HS3ST4: variants seen among roughly 807,000 people sequenced by gnomAD.
HS3ST4 encodes the protein heparan sulfate glucosamine 3-O-sulfotransferase 4.
In HS3ST4, 17 loss-of-function variants were observed where a neutral mutation model predicts 29.2. That is an observed-to-expected ratio of 0.58 (90% CI 0.40 to 0.87). The LOEUF is 0.87. Ranked by LOEUF, HS3ST4 falls within the 40% of genes least tolerant of loss-of-function variation. The pLI is 0.00. For synonymous variants in HS3ST4, 314 were observed against 285.7 expected, an observed-to-expected ratio of 1.10 and a Z score of -1.00; for missense variants, 627 against 634.5, an observed-to-expected ratio of 0.99 and a Z score of 0.13.
chr16:25,912,919 T>A (rs1968255008), intron 1 of HS3ST4, among the ~76,000 whole-genome samples: 1 of 152,154 alleles, frequency 6.6e-6, no homozygotes. Flanking sequence ...GAAAGATGAA[T>A]AAAATGACAT....
At chr16:25,936,256 C>T (rs377040860) in intron 1 of HS3ST4, among the ~76,000 whole-genome samples, 2 of 152,108 alleles carry the variant, frequency 1.3e-5, no homozygotes, top group African/African-American at 2.4e-5. Flanking sequence ...GTTCTGTGTT[C>T]GATTCTGTCC....
At chr16:25,916,520 G>A (rs183564158) in intron 1 of HS3ST4, among the ~76,000 whole-genome samples, 140 of 151,656 alleles carry the variant, frequency 9.2e-4, no homozygotes, top group Middle Eastern at 3.4e-3. Context: ...GTGCCAACAC[G>A]CCCGGCTACT....
intron 1 of HS3ST4, among the ~76,000 whole-genome samples, chr16:25,845,647 GTAATAATAATAA>G (rs60639924): frequency 0.018 from 2,631 of 143,328 alleles, 88 homozygotes; most frequent in African/African-American, 0.063. Flanking sequence ...GGAATAGCAT[GTAATAATAATAA>G]TAATAATAAT....
intron 1 of HS3ST4, among the ~76,000 whole-genome samples, chr16:26,087,013 C>A (rs575053226): frequency 6.6e-6 from 1 of 152,206 alleles, no homozygotes; most frequent in African/African-American, 2.4e-5. Context: ...CAGACCACCT[C>A]GTTGTTCAGG....
rs758900686 is a variant in HS3ST4, at chr16:25,693,077, C to T, written c.660C>T (p.His220=). 1 of 1,608,422 alleles carries T rather than the reference C, an allele frequency of 6.2e-7. No homozygotes were observed. Among genetic ancestry groups the T allele is most frequent in the Non-Finnish European group, 8.5e-7 (1 of 1,177,808 alleles). ...TRALLEAIRV[H]PDVRAVGVEP... ...CGCTGCTGGAGGCGATCCGCGTGCACCCGGACGTGCGGGCGGTGGGCGTAG... is the reference window on the plus strand; with the variant it reads ...CGCTGCTGGAGGCGATCCGCGTGCATCCGGACGTGCGGGCGGTGGGCGTAG... The change falls in exon 1 of 2, where the codon CAC becomes CAT. Residue 220 remains histidine, a synonymous_variant. Coordinates refer to ENST00000331351, the MANE Select transcript of HS3ST4 (RefSeq NM_006040.3).
At chr16:25,758,914 C>CCACT (rs1228743624) in intron 1 of HS3ST4, among the ~76,000 whole-genome samples, 2 of 151,792 alleles carry the variant, frequency 1.3e-5, no homozygotes, top group African/African-American at 4.8e-5. Context: ...TGAGATCACA[C>CCACT]CACTGCCTTG....
intron 1 of HS3ST4, among the ~76,000 whole-genome samples, chr16:25,820,819 C>T (rs900276934): frequency 6.6e-6 from 1 of 151,932 alleles, no homozygotes; most frequent in Non-Finnish European, 1.5e-5. Context: ...GATCTTCCTG[C>T]CTTGGCCTCC....
At chr16:25,764,366 T>G (rs1197445548) in intron 1 of HS3ST4, among the ~76,000 whole-genome samples, 2 of 152,146 alleles carry the variant, frequency 1.3e-5, no homozygotes, top group Non-Finnish European at 2.9e-5. Context: ...TACAATACCA[T>G]TTTACAGATG....
chr16:26,100,503 C>T (rs1001349555), intron 1 of HS3ST4, among the ~76,000 whole-genome samples: 5 of 152,108 alleles, frequency 3.3e-5, no homozygotes, highest in Non-Finnish European at 7.4e-5. Flanking sequence ...TCTCAGTTCC[C>T]TGAAGCTTCT....
intron 1 of HS3ST4, among the ~76,000 whole-genome samples, chr16:26,004,952 T>C (rs1969244043): frequency 6.6e-6 from 1 of 152,240 alleles, no homozygotes; most frequent in African/African-American, 2.4e-5. Context: ...TAACCCATTT[T>C]TATTACATTG....
chr16:26,011,672 A>ATGTTTGTGTGTG (rs1969311777), intron 1 of HS3ST4, among the ~76,000 whole-genome samples: 2 of 141,294 alleles, frequency 1.4e-5, no homozygotes, highest in South Asian at 4.7e-4. Context: ...TAACAGGTAT[A>ATGTTTGTGTGTG]TGTTTGTGTG....
intron 1 of HS3ST4, among the ~76,000 whole-genome samples, chr16:25,914,442 A>G (rs995076635): frequency 6.6e-6 from 1 of 150,622 alleles, no homozygotes; most frequent in Non-Finnish European, 1.5e-5. Context: ...GGGTGTGTAC[A>G]TGGTGTGGCG....
At chr16:26,055,584 A>G (rs909294751) in intron 1 of HS3ST4, among the ~76,000 whole-genome samples, 1 of 152,150 alleles carries the variant, frequency 6.6e-6, no homozygotes, top group African/African-American at 2.4e-5. Flanking sequence ...AAGGCTAGCA[A>G]TACCCACCAA....
intron 1 of HS3ST4, among the ~76,000 whole-genome samples, chr16:25,750,843 C>T (rs1966714094): frequency 6.6e-6 from 1 of 152,194 alleles, no homozygotes; most frequent in Admixed American, 6.5e-5. Flanking sequence ...TTCTTTCTTT[C>T]CAGTGGATTC....
At chr16:26,000,634 G>T (rs868603123) in intron 1 of HS3ST4, among the ~76,000 whole-genome samples, 2 of 152,122 alleles carry the variant, frequency 1.3e-5, no homozygotes, top group African/African-American at 2.4e-5. Flanking sequence ...TCATAGGAAT[G>T]GTTATTGGAC....
In HS3ST4 at chr16:25,871,546, C is replaced by T. The variant is rs544964648; in HGVS notation, c.734+178395C>T. On this transcript the variant is annotated intron_variant, in intron 1 of 1. Coordinates refer to ENST00000331351, the MANE Select transcript of HS3ST4 (RefSeq NM_006040.3). ...TATATAGTGCTTATGATGGTGAACCCGGTACTTGTACGTATGTGTATTACC... is the reference window on the plus strand; with the variant it reads ...TATATAGTGCTTATGATGGTGAACCTGGTACTTGTACGTATGTGTATTACC... 2.8e-3 allele frequency among the ~76,000 whole-genome samples: 432 copies of T among 152,148 alleles called. 1 individual carries two copies. The highest frequency in any genetic ancestry group is 5.0e-3 in the Non-Finnish European group (340 of 68,006).
intron 1 of HS3ST4, among the ~76,000 whole-genome samples, chr16:25,956,640 T>C (rs897364329): frequency 6.6e-6 from 1 of 152,188 alleles, no homozygotes; most frequent in Admixed American, 6.5e-5. Context: ...ACTTATGCTT[T>C]TATATGGCTG....
At chr16:25,768,609 A>G (rs1966836082) in intron 1 of HS3ST4, among the ~76,000 whole-genome samples, 1 of 152,028 alleles carries the variant, frequency 6.6e-6, no homozygotes, top group Non-Finnish European at 1.5e-5. Flanking sequence ...TGAGCTTCCT[A>G]GGGTAACTTT....
intron 1 of HS3ST4, among the ~76,000 whole-genome samples, chr16:25,727,120 G>C (rs12931909): frequency 0.73 from 111,345 of 152,086 alleles, 41,728 homozygotes; most frequent in East Asian, 0.85. Context: ...TATGTACTTA[G>C]ATTTAGAGCA....
Sources: gnomAD v4.1 joint callset for allele counts (sites outside exome capture counted in the v4.1 genomes callset) on GRCh38, gnomAD v4.1.1 for gene constraint, MANE v1.5 for transcripts, NCBI Gene and HGNC (gene_info 2026-07-23, HGNC 2026-07-21) for gene names.